Variants in GPHN observed in about 807,000 individuals in gnomAD.
GPHN encodes gephyrin.
A neutral mutation model predicts 95.5 loss-of-function variants in GPHN; 17 were observed. That is an observed-to-expected ratio of 0.18 (90% CI 0.12 to 0.27). GPHN has a LOEUF of 0.27. Among genes scored for constraint, GPHN ranks in the 10% least tolerant of loss-of-function variants. GPHN has a pLI of 1.00. For synonymous variants in GPHN, 320 were observed against 322.5 expected (o/e 0.99, Z 0.08); for missense variants, 660 against 978.1 (o/e 0.67, Z 4.34).
intron 1 of GPHN, among the ~76,000 whole-genome samples, chr14:66,665,251 TG>T (rs2065885039): frequency 1.3e-5 from 2 of 152,154 alleles, no homozygotes; most frequent in African/African-American, 4.8e-5. Context: ...TCTAGCAAAC[TG>T]AATCCAGCTT....
chr14:66,860,799 A>G (rs1177964874), intron 4 of GPHN, among the ~76,000 whole-genome samples: 2 of 152,070 alleles, frequency 1.3e-5, no homozygotes, highest in South Asian at 2.1e-4. Flanking sequence ...TCTATATGCA[A>G]TCAATGTTGT....
intron 5 of GPHN, among the ~76,000 whole-genome samples, chr14:66,884,875 A>G (rs1242609085): frequency 1.3e-5 from 2 of 150,604 alleles, no homozygotes; most frequent in African/African-American, 2.4e-5. Flanking sequence ...AGAGAAATTG[A>G]TTGCCAGTTT....
the GPHN span, among the ~76,000 whole-genome samples, chr14:67,644,393 C>T: frequency 2.0e-5 from 3 of 152,160 alleles, no homozygotes; most frequent in Non-Finnish European, 4.4e-5. Context: ...CACAGCTCTT[C>T]CAGGACTAAA....
intron 10 of GPHN, among the ~76,000 whole-genome samples, chr14:67,035,943 C>A (rs2074401159): frequency 6.6e-6 from 1 of 151,336 alleles, no homozygotes; most frequent in South Asian, 2.1e-4. Context: ...AGAAAAAATA[C>A]AACAATAAAA....
the GPHN span, chr14:67,585,649 A>T: frequency 6.4e-7 from 1 of 1,561,350 alleles, no homozygotes; most frequent in Non-Finnish European, 8.7e-7. Flanking sequence ...GGACCACAAC[A>T]CTATGGTATG....
chr14:66,571,487 G>A (rs1246489379), intron 1 of GPHN, among the ~76,000 whole-genome samples: 2 of 152,108 alleles, frequency 1.3e-5, no homozygotes, highest in Non-Finnish European at 2.9e-5. Flanking sequence ...AAGACTTTTA[G>A]TTTGCTAGAA....
intron 1 of GPHN, among the ~76,000 whole-genome samples, chr14:66,552,766 C>T (rs1296133374): frequency 6.6e-6 from 1 of 152,120 alleles, no homozygotes; most frequent in African/African-American, 2.4e-5. Context: ...TTCTGACTTC[C>T]AGTGAGAGGC....
intron 16 of GPHN, among the ~76,000 whole-genome samples, chr14:67,118,731 C>CA (rs1304105819): frequency 2.2e-3 from 289 of 130,588 alleles, no homozygotes; most frequent in African/African-American, 4.4e-3. Context: ...GACTCCGTCT[C>CA]AAAAAAAAAA....
chr14:67,693,214 G>A, the GPHN span, among the ~76,000 whole-genome samples: 1 of 152,220 alleles, frequency 6.6e-6, no homozygotes, highest in Admixed American at 6.5e-5. Flanking sequence ...GAGGAAAGAT[G>A]ACAAAAGTTT....
intron 11 of GPHN, among the ~76,000 whole-genome samples, chr14:67,083,716 T>C (rs1179609669): frequency 6.6e-6 from 1 of 152,144 alleles, no homozygotes; most frequent in Non-Finnish European, 1.5e-5. Flanking sequence ...GGATGTAGAC[T>C]GGCAGCAAAA....
At chr14:67,699,677 T>C in the GPHN span, among the ~76,000 whole-genome samples, 1 of 151,574 alleles carries the variant, frequency 6.6e-6, no homozygotes, top group Non-Finnish European at 1.5e-5. Flanking sequence ...TTAAAGCTTT[T>C]TTTTTTAAAG....
At chr14:67,519,750 T>C in the GPHN span, among the ~76,000 whole-genome samples, 1 of 151,608 alleles carries the variant, frequency 6.6e-6, no homozygotes, top group Non-Finnish European at 1.5e-5. Flanking sequence ...TGAGACAGGT[T>C]CTCGTTCTGT....
the GPHN span, among the ~76,000 whole-genome samples, chr14:67,464,174 G>A: frequency 6.6e-6 from 1 of 152,174 alleles, no homozygotes; most frequent in South Asian, 2.1e-4. Flanking sequence ...GAGTGCTTAT[G>A]TAGTAGGTAC....
chr14:67,146,235 A>G (rs756543771), intron 18 of GPHN, among the ~76,000 whole-genome samples: 16 of 152,156 alleles, frequency 1.1e-4, no homozygotes, highest in Non-Finnish European at 8.8e-5. Context: ...TGTTGGACTC[A>G]TAGACCAGTA....
chr14:67,395,593 G>A, the GPHN span: 1 of 1,609,660 alleles, frequency 6.2e-7, no homozygotes, highest in Non-Finnish European at 8.5e-7. Flanking sequence ...GCTGTGGGAA[G>A]AGAGAGCCAG....
At chr14:66,914,125 A>T (rs939860260) in intron 5 of GPHN, among the ~76,000 whole-genome samples, 8 of 152,162 alleles carry the variant, frequency 5.3e-5, no homozygotes, top group Non-Finnish European at 1.0e-4. Flanking sequence ...TATATCACAT[A>T]TGCATACATA....
At chr14:67,152,728 A>G (rs1005381524) in intron 18 of GPHN, among the ~76,000 whole-genome samples, 5 of 152,194 alleles carry the variant, frequency 3.3e-5, no homozygotes, top group Non-Finnish European at 5.9e-5. Flanking sequence ...GCACTTTGGT[A>G]GGCCGAGGCG....
chr14:67,572,355 G>A, the GPHN span: 1 of 1,334,738 alleles, frequency 7.5e-7, no homozygotes, highest in Non-Finnish European at 1.0e-6. Context: ...ACAAGACATA[G>A]GCAGTAGCTG....
chr14:67,456,848 A>G, the GPHN span, among the ~76,000 whole-genome samples: 2 of 152,240 alleles, frequency 1.3e-5, no homozygotes, highest in African/African-American at 4.8e-5. Context: ...TTACAGCACT[A>G]TTCACAATAG....
Sources: allele counts gnomAD v4.1 joint callset (sites outside exome capture counted in the v4.1 genomes callset), GRCh38; gene constraint gnomAD v4.1.1; transcripts MANE v1.5; gene names NCBI Gene and HGNC (gene_info 2026-07-23, HGNC 2026-07-21).